Variants in TNKS2 observed in about 807,000 individuals in gnomAD.
TNKS2 encodes the protein poly [ADP-ribose] polymerase tankyrase-2.
A neutral mutation model predicts 137.6 loss-of-function variants in TNKS2; 72 were observed. The observed-to-expected ratio is 0.52, with a 90% CI of 0.43 to 0.64. The LOEUF is 0.64. Ranked by LOEUF, TNKS2 falls within the 30% of genes least tolerant of loss-of-function variation. TNKS2 has a pLI of 0.00. For missense variants in TNKS2, 1,049 were observed against 1,410.2 expected (o/e 0.74, Z 4.10); for synonymous variants, 516 against 512.1 (o/e 1.01, Z -0.10).
intron 6 of TNKS2, 89 bp from the exon 7 acceptor site, chr10:91,822,207 T>G: frequency 1.0e-6 from 1 of 988,396 alleles, no homozygotes; most frequent in Non-Finnish European, 1.5e-6. Context: ...TATTTAAGTA[T>G]AAGTAATTAA....
chr10:91,830,997 C>T lies in TNKS2; in HGVS notation c.1179C>T (p.Ile393=). 6.2e-7 allele frequency: 1 copy of T among 1,612,672 alleles called. No individual in the cohort carries two copies. Reference sequence around the variant, plus strand: ...TGTTGCTAAGAAAAGGAGCAAACATCAATGAAAAGACTAAAGAGTAAGTAT... The same window carrying T: ...TGTTGCTAAGAAAAGGAGCAAACATTAATGAAAAGACTAAAGAGTAAGTAT... ...CELLLRKGAN[I]NEKTKEFLTP... The change falls in exon 10 of 27, where the codon ATC becomes ATT. Residue 393 remains isoleucine, a synonymous_variant. Transcript: ENST00000371627.
chr10:91,821,771 G>T (rs550210918), intron 6 of TNKS2, among the ~76,000 whole-genome samples: 1 of 152,242 alleles, frequency 6.6e-6, no homozygotes, highest in East Asian at 1.9e-4. Context: ...AGGAGGGAGG[G>T]AAATCTATAC....
At chr10:91,862,847 CCT>C in intron 26 of TNKS2, 88 bp from the exon 27 acceptor site, 1 of 840,792 alleles carries the variant, frequency 1.2e-6, no homozygotes. Flanking sequence ...TTTAGAACCT[CCT>C]CCCTAAGATT....
intron 25 of TNKS2, 77 bp downstream of exon 25, chr10:91,859,725 A>G: frequency 1.6e-6 from 2 of 1,254,042 alleles, no homozygotes; most frequent in Non-Finnish European, 1.1e-6. Flanking sequence ...GCAAAGCATT[A>G]TGTTGGACAG....
At chr10:91,832,986 C>T (rs1454349362) in intron 11 of TNKS2, among the ~76,000 whole-genome samples, 1 of 152,166 alleles carries the variant, frequency 6.6e-6, no homozygotes, top group Non-Finnish European at 1.5e-5. Context: ...AAGTAATCTG[C>T]AGACTATTCC....
At chr10:91,807,723 A>G (rs371697683) in intron 1 of TNKS2, among the ~76,000 whole-genome samples, 2 of 152,194 alleles carry the variant, frequency 1.3e-5, no homozygotes, top group East Asian at 1.9e-4. Context: ...TGCCGGGCGC[A>G]GTGGCTCATG....
At chr10:91,836,592 A>G (rs1467042309) in intron 12 of TNKS2, 2 of 969,128 alleles carry the variant, frequency 2.1e-6, no homozygotes, top group Non-Finnish European at 2.5e-6. Context: ...CTCTTAATTT[A>G]ATACTTTTGC....
rs1429355376 is a variant in TNKS2 at position 91,827,173 on chromosome 10, C to G, written c.952C>G (p.Pro318Ala). The change falls in exon 8 of 27, where the codon CCC (proline) becomes GCC (alanine). Residue 318 changes from proline to alanine, a missense_variant. By Grantham distance (27) the Pro-to-Ala change is conservative. Around this residue, in one of 6 missense-constraint regions of TNKS2, gnomAD observed 374 missense variants for 460.8 expected, o/e 0.81. Transcript: ENST00000371627. ...CAATAAAAGTGCTATAGACTTGGCT[C>G]CCACACCACAGTTAAAAGAAAGATT... is the stretch of plus-strand genomic sequence containing the variant. ...CHNKSAIDLA[P>A]TPQLKERLAY... The G allele has an allele frequency of 6.4e-7, 1 of 1,570,462 alleles. No individual in the cohort carries two copies. Among genetic ancestry groups the G allele is most frequent in the East Asian group, 2.3e-5 (1 of 43,756 alleles).
chr10:91,860,046 C>T lies in TNKS2; in HGVS notation c.3281+398C>T, dbSNP rs534081043. On this transcript the variant is annotated intron_variant, in intron 25 of 26. Transcript: ENST00000371627. ...AATTATTTGATGGCAGTGCCTGAGC[C>T]TCTCTTCCACTGTGATACGATCCTA... 2.6e-5 allele frequency among the ~76,000 whole-genome samples: 4 copies of T among 152,230 alleles called. No homozygotes were observed. In the East Asian group the frequency reaches 5.8e-4, roughly 22 times the overall value.
intron 23 of TNKS2, 36 bp from the exon 24 acceptor site, chr10:91,857,389 C>T (rs1204156523): frequency 6.7e-7 from 1 of 1,484,270 alleles, no homozygotes; most frequent in East Asian, 2.3e-5. Flanking sequence ...GTAAGTAATT[C>T]CTAAAGATTT....
At chr10:91,840,004 A>G (rs1450443785) in intron 13 of TNKS2, among the ~76,000 whole-genome samples, 1 of 152,136 alleles carries the variant, frequency 6.6e-6, no homozygotes, top group African/African-American at 2.4e-5. Flanking sequence ...AGTAGCGGTA[A>G]TGATAAAATT....
intron 6 of TNKS2, among the ~76,000 whole-genome samples, chr10:91,821,476 CAT>C (rs1419230976): frequency 6.6e-6 from 1 of 152,058 alleles, no homozygotes; most frequent in Admixed American, 6.6e-5. Context: ...AGAGAGGACT[CAT>C]AGAACTAAAG....
chr10:91,805,284 C>T (rs781585505), intron 1 of TNKS2, among the ~76,000 whole-genome samples: 2 of 152,164 alleles, frequency 1.3e-5, no homozygotes, highest in African/African-American at 4.8e-5. Flanking sequence ...AAAATCATAC[C>T]TCTACTATCA....
rs773723318 is a variant in TNKS2, at chr10:91,842,282, A to G, written c.1950A>G (p.Leu650=). 1.9e-6 allele frequency: 3 copies of G among 1,614,018 alleles called. No homozygotes were observed. The highest frequency in any genetic ancestry group is 2.5e-6 in the Non-Finnish European group (3 of 1,179,896). Residue 650 remains leucine, a synonymous_variant, in exon 16 of 27, where the codon CTA becomes CTG. Transcript: ENST00000371627. ...TGCTTAGGGGAGATGCAGCTTTGCT[A>G]GATGCTGCCAAGAAGGGTTGTTTAG... ...QDLLRGDAAL[L]DAAKKGCLAR...
intron 6 of TNKS2, among the ~76,000 whole-genome samples, chr10:91,821,049 T>A (rs1017120700): frequency 6.6e-6 from 1 of 150,936 alleles, no homozygotes; most frequent in African/African-American, 2.5e-5. Context: ...TTTTATTTTA[T>A]TTTTTTTAGA....
intron 1 of TNKS2, among the ~76,000 whole-genome samples, chr10:91,802,578 G>A (rs1356383483): frequency 2.6e-5 from 4 of 152,220 alleles, no homozygotes; most frequent in Non-Finnish European, 5.9e-5. Context: ...ACTAGTACAA[G>A]AAAGTGGGAT....
Position 91,804,889 on chromosome 10 carries a change from G to A in TNKS2, c.199+6000G>A, listed in dbSNP as rs368950240. On this transcript the variant is annotated intron_variant, in intron 1 of 26. Transcript: ENST00000371627. ...CTCCTGCCTCCTGCTTCAGCCTCCC[G>A]AGTAGCTGGGATTACAGGTATGTAC... is the stretch of plus-strand genomic sequence containing the variant. Among the ~76,000 whole-genome samples, 47 of 152,078 alleles carry A rather than the reference G, an allele frequency of 3.1e-4. 1 individual carries two copies. The East Asian group carries it at 8.7e-3, about 28-fold the overall frequency.
At chr10:91,799,627 T>A (rs1844094941) in intron 1 of TNKS2, among the ~76,000 whole-genome samples, 1 of 152,244 alleles carries the variant, frequency 6.6e-6, no homozygotes, top group South Asian at 2.1e-4. Flanking sequence ...ATCGTTTGAA[T>A]TACATTATTT....
At chr10:91,829,496 C>T (rs1263861462) in intron 9 of TNKS2, among the ~76,000 whole-genome samples, 1 of 152,112 alleles carries the variant, frequency 6.6e-6, no homozygotes, top group Non-Finnish European at 1.5e-5. Context: ...CAGTTTCTTA[C>T]AGGTTCCCAG....
Sources: gnomAD v4.1 joint callset for allele counts (sites outside exome capture counted in the v4.1 genomes callset) on GRCh38, gnomAD v4.1.1 for gene constraint, gnomAD v4.1.1 regional missense constraint, MANE v1.5 for transcripts, NCBI Gene and HGNC (gene_info 2026-07-23, HGNC 2026-07-21) for gene names.